Variants in GRIK4 observed in about 807,000 individuals in gnomAD.
GRIK4 encodes glutamate ionotropic receptor kainate type subunit 4, also known as glutamate receptor ionotropic, kainate 4.
In GRIK4, 40 loss-of-function variants were observed where a neutral mutation model predicts 104.9. The ratio of observed to expected loss-of-function variants is 0.38; its 90% CI spans 0.30 to 0.50. The LOEUF (loss-of-function observed/expected upper bound fraction) is 0.50. GRIK4 is among the 20% of genes least tolerant of loss of function. The pLI, the probability that GRIK4 is intolerant of heterozygous loss-of-function variation, is 0.93. For synonymous variants in GRIK4, 485 were observed against 524.9 expected (o/e 0.92, Z 1.04); for missense variants, 1,047 against 1,308.1 (o/e 0.80, Z 3.08).
intron 4 of GRIK4, among the ~76,000 whole-genome samples, chr11:120,811,229 A>G (rs1333298316): frequency 6.6e-6 from 1 of 152,228 alleles, no homozygotes; most frequent in African/African-American, 2.4e-5. Context: ...TGTTTTTATT[A>G]TAGCATTGTA....
intron 3 of GRIK4, among the ~76,000 whole-genome samples, chr11:120,738,869 A>C (rs1028959441): frequency 6.6e-6 from 1 of 152,096 alleles, no homozygotes; most frequent in African/African-American, 2.4e-5. Context: ...ATGGGGGAGG[A>C]GGGGCTGGCA....
intron 3 of GRIK4, among the ~76,000 whole-genome samples, chr11:120,733,539 T>C (rs73012345): frequency 6.6e-6 from 1 of 151,000 alleles, no homozygotes; most frequent in Admixed American, 6.6e-5. Flanking sequence ...AATACTATTT[T>C]ATAACTCATT....
chr11:120,946,006 A>G (rs1159149114), intron 14 of GRIK4, among the ~76,000 whole-genome samples: 1 of 152,218 alleles, frequency 6.6e-6, no homozygotes, highest in East Asian at 1.9e-4. Flanking sequence ...ATCTCCTTGT[A>G]ATGATAAGTT....
chr11:120,817,548 A>C (rs1952993275), intron 5 of GRIK4, among the ~76,000 whole-genome samples: 1 of 152,188 alleles, frequency 6.6e-6, no homozygotes, highest in Non-Finnish European at 1.5e-5. Context: ...TGCTGCTGAC[A>C]TCTCTGCAGC....
intron 6 of GRIK4, 96 bp from the exon 7 acceptor site, chr11:120,831,756 T>C: frequency 1.1e-6 from 1 of 909,026 alleles, no homozygotes; most frequent in East Asian, 2.5e-5. Flanking sequence ...CCGACCCCAC[T>C]TCCAGCCCAC....
intron 1 of GRIK4, among the ~76,000 whole-genome samples, chr11:120,583,480 T>C (rs867852789): frequency 1.3e-5 from 2 of 152,218 alleles, no homozygotes; most frequent in South Asian, 2.1e-4. Flanking sequence ...TTTATAGTTT[T>C]AGGTTTTATA....
chr11:120,809,194 G>A (rs554521189), intron 4 of GRIK4, among the ~76,000 whole-genome samples: 34 of 152,336 alleles, frequency 2.2e-4, no homozygotes, highest in Middle Eastern at 3.4e-3. Context: ...TCCAGCCTGG[G>A]CTTCTAAGGG....
chr11:120,534,299 T>C (rs375388012), intron 1 of GRIK4, among the ~76,000 whole-genome samples: 1 of 152,130 alleles, frequency 6.6e-6, no homozygotes, highest in Admixed American at 6.5e-5. Flanking sequence ...ACGGATTCAG[T>C]TCCATTTTAG....
chr11:120,763,578 T>C (rs1449713800), intron 3 of GRIK4, among the ~76,000 whole-genome samples: 1 of 152,214 alleles, frequency 6.6e-6, no homozygotes, highest in Non-Finnish European at 1.5e-5. Context: ...CCTTTGGGCA[T>C]TTTGTGCTAT....
chr11:120,858,471 C>A (rs1954175756), intron 8 of GRIK4: 1 of 152,068 alleles, frequency 6.6e-6, no homozygotes, highest in Admixed American at 6.6e-5. Flanking sequence ...GAAAAAAAAA[C>A]CCATAGTCCT....
At chr11:120,912,049 A>G (rs190346685) in intron 13 of GRIK4, among the ~76,000 whole-genome samples, 1 of 152,326 alleles carries the variant, frequency 6.6e-6, no homozygotes, top group East Asian at 1.9e-4. Flanking sequence ...AAATGGGATT[A>G]TACTATATGC....
At chr11:120,517,800 A>G (rs959541731) in intron 1 of GRIK4, among the ~76,000 whole-genome samples, 3 of 151,956 alleles carry the variant, frequency 2.0e-5, no homozygotes, top group Non-Finnish European at 4.4e-5. Flanking sequence ...AGCACAGAGG[A>G]GTCGTAGTGG....
intron 3 of GRIK4, among the ~76,000 whole-genome samples, chr11:120,775,708 C>A (rs1023582549): frequency 6.6e-6 from 1 of 152,254 alleles, no homozygotes; most frequent in Admixed American, 6.5e-5. Flanking sequence ...ACTTTCTTTG[C>A]AGTTTCTTAT....
chr11:120,614,097 C>T (rs1358353137), intron 1 of GRIK4, among the ~76,000 whole-genome samples: 1 of 152,188 alleles, frequency 6.6e-6, no homozygotes, highest in African/African-American at 2.4e-5. Context: ...TGAACCTTCC[C>T]TGCAGGCAGT....
intron 3 of GRIK4, among the ~76,000 whole-genome samples, chr11:120,679,447 C>T (rs1950156522): frequency 6.6e-6 from 1 of 152,226 alleles, no homozygotes; most frequent in African/African-American, 2.4e-5. Flanking sequence ...CAGTGTTTTG[C>T]AGCCCACTGG....
intron 3 of GRIK4, among the ~76,000 whole-genome samples, chr11:120,753,553 G>C (rs139734623): frequency 6.6e-6 from 1 of 152,176 alleles, no homozygotes; most frequent in South Asian, 2.1e-4. Flanking sequence ...TTCCCTGATG[G>C]TGTTGAATTT....
intron 3 of GRIK4, among the ~76,000 whole-genome samples, chr11:120,745,262 G>A (rs971056148): frequency 9.9e-5 from 15 of 152,048 alleles, no homozygotes; most frequent in Non-Finnish European, 1.8e-4. Context: ...CCTCTCTCTC[G>A]CCTGCCAAGT....
At chr11:120,972,189 C>T (rs922745758) in intron 19 of GRIK4, among the ~76,000 whole-genome samples, 4 of 152,188 alleles carry the variant, frequency 2.6e-5, no homozygotes, top group African/African-American at 9.6e-5. Flanking sequence ...TGTCAGACTC[C>T]TCGGCACACC....
intron 3 of GRIK4, among the ~76,000 whole-genome samples, chr11:120,793,623 G>A (rs1952445026): frequency 6.6e-6 from 1 of 152,046 alleles, no homozygotes; most frequent in East Asian, 1.9e-4. Flanking sequence ...GTGGTGTTAG[G>A]GGTCGGAGCC....
Sources: allele counts gnomAD v4.1 joint callset (sites outside exome capture counted in the v4.1 genomes callset), GRCh38; gene constraint gnomAD v4.1.1; transcripts MANE v1.5; gene names NCBI Gene and HGNC (gene_info 2026-07-23, HGNC 2026-07-21).